Variants in ARHGAP44 observed in about 807,000 individuals in gnomAD.
ARHGAP44 encodes the protein Rho GTPase activating protein 44.
ARHGAP44 carries 43 observed loss-of-function variants against 106.8 expected under a neutral mutation model. That is an observed-to-expected ratio of 0.40 (90% CI 0.32 to 0.52). The LOEUF is 0.52. Ranked by LOEUF, ARHGAP44 falls within the 20% of genes least tolerant of loss-of-function variation. ARHGAP44 has a pLI of 0.48. For missense variants in ARHGAP44, 866 were observed against 1,050.5 expected, an observed-to-expected ratio of 0.82 and a Z score of 2.43; for synonymous variants, 439 against 410.3, an observed-to-expected ratio of 1.07 and a Z score of -0.85.
chr17:12,795,540 A>G (rs1295467430), intron 1 of ARHGAP44, among the ~76,000 whole-genome samples: 3 of 151,596 alleles, frequency 2.0e-5, no homozygotes, highest in South Asian at 2.1e-4. Flanking sequence ...TTTTTTTTTA[A>G]TGATGGGCAA....
chr17:12,890,070 G>A (rs2036996459), intron 1 of ARHGAP44, among the ~76,000 whole-genome samples: 1 of 152,144 alleles, frequency 6.6e-6, no homozygotes, highest in Admixed American at 6.5e-5. Flanking sequence ...CTGGGGCTAT[G>A]TGCTGGTAGC....
At chr17:12,844,005 C>G (rs1204309070) in intron 1 of ARHGAP44, among the ~76,000 whole-genome samples, 1 of 152,102 alleles carries the variant, frequency 6.6e-6, no homozygotes, top group Non-Finnish European at 1.5e-5. Context: ...ACTCAAAACT[C>G]TGTCTTCCCT....
intron 1 of ARHGAP44, among the ~76,000 whole-genome samples, chr17:12,800,897 G>A (rs907008260): frequency 2.0e-5 from 3 of 152,130 alleles, no homozygotes; most frequent in African/African-American, 4.8e-5. Flanking sequence ...TTCAGTTTAG[G>A]TGGTTTTAGA....
chr17:12,854,202 T>C (rs117140675), intron 1 of ARHGAP44, among the ~76,000 whole-genome samples: 225 of 152,198 alleles, frequency 1.5e-3, no homozygotes, highest in Non-Finnish European at 2.7e-3. Flanking sequence ...AAAACTGCAG[T>C]TTCAAACAGC....
chr17:12,919,634 C>T, intron 5 of ARHGAP44, 121 bp from the exon 6 acceptor site: 1 of 709,982 alleles, frequency 1.4e-6, no homozygotes, highest in Non-Finnish European at 2.2e-6. Context: ...GATCCACCTG[C>T]CTTGGCCTCC....
At chr17:12,951,995 A>G (rs1478751062) in intron 12 of ARHGAP44, among the ~76,000 whole-genome samples, 1 of 152,176 alleles carries the variant, frequency 6.6e-6, no homozygotes, top group South Asian at 2.1e-4. Context: ...CAGGACACAG[A>G]CAGATCTGCC....
intron 1 of ARHGAP44, among the ~76,000 whole-genome samples, chr17:12,813,442 A>G (rs1190982344): frequency 1.3e-5 from 2 of 152,132 alleles, no homozygotes; most frequent in Non-Finnish European, 2.9e-5. Flanking sequence ...AGTTAAAACC[A>G]CTAACAGTGT....
intron 1 of ARHGAP44, among the ~76,000 whole-genome samples, chr17:12,841,637 C>CACAAAAAA (rs1555546101): frequency 9.8e-6 from 1 of 101,618 alleles, no homozygotes; most frequent in African/African-American, 3.7e-5. Flanking sequence ...CACACACACA[C>CACAAAAAA]ACAAACAAAC....
intron 1 of ARHGAP44, among the ~76,000 whole-genome samples, chr17:12,832,326 A>G (rs2035114162): frequency 6.6e-6 from 1 of 152,092 alleles, no homozygotes; most frequent in African/African-American, 2.4e-5. Context: ...TTGGGGACAC[A>G]AGGCCAGATG....
intron 8 of ARHGAP44, among the ~76,000 whole-genome samples, chr17:12,942,600 C>T (rs1046915190): frequency 2.0e-5 from 3 of 152,130 alleles, no homozygotes; most frequent in African/African-American, 4.8e-5. Context: ...AATTGTCATT[C>T]GGATACCATT....
chr17:12,963,535 C>G (rs1384697407), intron 16 of ARHGAP44, among the ~76,000 whole-genome samples: 3 of 152,194 alleles, frequency 2.0e-5, no homozygotes, highest in Non-Finnish European at 4.4e-5. Flanking sequence ...TCTGCCAATG[C>G]TGTGTGTGCA....
intron 1 of ARHGAP44, among the ~76,000 whole-genome samples, chr17:12,854,196 C>T (rs760176071): frequency 3.6e-4 from 55 of 152,288 alleles, no homozygotes; most frequent in Middle Eastern, 3.4e-3. Flanking sequence ...AGGAAGAAAA[C>T]TGCAGTTTCA....
chr17:12,990,249 C>G lies in ARHGAP44; in HGVS notation c.*78C>G. The G allele has an allele frequency of 6.6e-7, 1 of 1,521,372 alleles. No homozygotes were observed. Among genetic ancestry groups the G allele is most frequent in the Non-Finnish European group, 8.9e-7 (1 of 1,124,202 alleles). 94.2% of individuals were successfully genotyped at this position (1,521,372 alleles called of 1,614,324 possible). A position where few individuals can be genotyped will look rare whatever the true frequency, so the allele number is the denominator to read the frequency against. ...CGCCGCCAGGAGCAGCGTCCATGAG[C>G]TTGCCAAGTGTTCTCTGCTGGCTCT... On this transcript the variant is annotated 3_prime_UTR_variant, in exon 21 of 21. Coordinates refer to ENST00000379672, the MANE Select transcript of ARHGAP44 (RefSeq NM_014859.6).
chr17:12,963,135 C>T (rs899955168), intron 16 of ARHGAP44, among the ~76,000 whole-genome samples: 2 of 148,566 alleles, frequency 1.3e-5, no homozygotes, highest in African/African-American at 2.5e-5. Context: ...GAAGCCAATA[C>T]AATCATCCAC....
intron 1 of ARHGAP44, among the ~76,000 whole-genome samples, chr17:12,867,675 TACACAGAGTC>T (rs1239165276): frequency 6.6e-6 from 1 of 152,182 alleles, no homozygotes; most frequent in East Asian, 1.9e-4. Flanking sequence ...CCTTACACGT[TACACAGAGTC>T]ACACATAAAC....
At chr17:12,807,948 G>C (rs1430050624) in intron 1 of ARHGAP44, among the ~76,000 whole-genome samples, 2 of 152,194 alleles carry the variant, frequency 1.3e-5, no homozygotes, top group African/African-American at 2.4e-5. Context: ...GTTACAATGT[G>C]GATACAGGCA....
chr17:12,868,892 G>A (rs954647674), intron 1 of ARHGAP44, among the ~76,000 whole-genome samples: 2 of 151,354 alleles, frequency 1.3e-5, no homozygotes, highest in Non-Finnish European at 2.9e-5. Flanking sequence ...TCCTGACCTC[G>A]TGATCCACCC....
chr17:12,920,331 A>C (rs541184931), intron 6 of ARHGAP44, among the ~76,000 whole-genome samples: 1 of 119,428 alleles, frequency 8.4e-6, no homozygotes, highest in Non-Finnish European at 1.6e-5. Flanking sequence ...AGCCGAGATC[A>C]TGCCACTGCA....
intron 1 of ARHGAP44, among the ~76,000 whole-genome samples, chr17:12,836,376 G>A (rs561670204): frequency 5.3e-5 from 8 of 152,106 alleles, no homozygotes; most frequent in African/African-American, 9.6e-5. Flanking sequence ...GGCTGCATGC[G>A]GTGGCTCATA....
Sources: gnomAD v4.1 joint callset for allele counts (sites outside exome capture counted in the v4.1 genomes callset) on GRCh38, gnomAD v4.1.1 for gene constraint, MANE v1.5 for transcripts, NCBI Gene and HGNC (gene_info 2026-07-23, HGNC 2026-07-21) for gene names.